The following COL23A1 variants were observed in gnomAD, a reference collection of about 807,000 sequenced individuals.
COL23A1 encodes collagen type XXIII alpha 1 chain.
A neutral mutation model predicts 99.3 loss-of-function variants in COL23A1; 97 were observed. The observed-to-expected ratio is 0.98, with a 90% CI of 0.83 to 1.16. COL23A1 has a LOEUF of 1.16. Among genes scored for constraint, COL23A1 ranks in the 50% most tolerant of loss-of-function variants. The pLI is 0.00. For synonymous variants in COL23A1, 320 were observed against 308.2 expected (o/e 1.04, Z -0.40); for missense variants, 762 against 757.4 (o/e 1.01, Z -0.07).
rs114345198 is a variant in COL23A1, at chr5:178,247,392, C to T, written c.1296+134G>A. 525 of 971,828 alleles carry T rather than the reference C, an allele frequency of 5.4e-4. 1 individual carries two copies. The African/African-American group carries it at 7.2e-3, about 13-fold the overall frequency. 60.2% of individuals were successfully genotyped at this position (971,828 alleles called of 1,614,324 possible). ...GAGGTTATGCCCTGGGGACTTGGGA[C>T]GTTCAGGCGCTGGGAAGACTCAGGG... On this transcript the variant is annotated intron_variant, in intron 22 of 28. Coordinates refer to ENST00000390654, the MANE Select transcript of COL23A1 (RefSeq NM_173465.4).
intron 2 of COL23A1, among the ~76,000 whole-genome samples, chr5:178,324,598 C>T (rs907968151): frequency 5.9e-5 from 9 of 152,192 alleles, no homozygotes; most frequent in Non-Finnish European, 1.3e-4. Context: ...CAGAAGCCAC[C>T]ACCTTCTCAC....
intron 1 of COL23A1, among the ~76,000 whole-genome samples, chr5:178,585,866 T>C (rs1032206658): frequency 2.6e-5 from 4 of 152,318 alleles, no homozygotes; most frequent in Middle Eastern, 3.4e-3. Flanking sequence ...AAGCCTCCTA[T>C]GGCGATCGCA....
chr5:178,288,238 C>T, intron 5 of COL23A1, 86 bp downstream of exon 5: 1 of 1,134,060 alleles, frequency 8.8e-7, no homozygotes, highest in South Asian at 1.2e-5. Flanking sequence ...GACAGGAGCG[C>T]AGACAGAGTT....
At position 178,384,348 on chromosome 5, in the gene COL23A1, C is replaced by T. The variant is rs961949617; in HGVS notation, c.362-77429G>A. Among the ~76,000 whole-genome samples, 3 of 152,252 alleles carry T rather than the reference C, an allele frequency of 2.0e-5. No homozygotes were observed. The highest frequency in any genetic ancestry group is 1.9e-4 in the East Asian group (1 of 5,192). On this transcript the variant is annotated intron_variant, in intron 2 of 28. Transcript: ENST00000390654. The surrounding 1 kb of genome is among the most constrained non-coding windows in gnomAD (Gnocchi z 5.5). ...GCGTTTTCTCATAAACCAGCTTTCA[C>T]GAGGTGTTGGCTGCTCAGTCTTGAC...
chr5:178,499,786 A>C (rs1432255784), intron 2 of COL23A1, among the ~76,000 whole-genome samples: 1 of 152,272 alleles, frequency 6.6e-6, no homozygotes, highest in African/African-American at 2.4e-5. Flanking sequence ...ATAGATAAAA[A>C]ACTGGCAACA....
intron 11 of COL23A1, 21 bp downstream of exon 11, chr5:178,261,701 T>C (rs1162310587): frequency 6.3e-7 from 1 of 1,596,736 alleles, no homozygotes; most frequent in East Asian, 2.2e-5. Context: ...GGGAGGGGCA[T>C]GGGGAATAAG....
intron 2 of COL23A1, among the ~76,000 whole-genome samples, chr5:178,475,577 T>C (rs1418202180): frequency 1.3e-5 from 2 of 152,246 alleles, no homozygotes; most frequent in Admixed American, 1.3e-4. Flanking sequence ...TACCCAATAG[T>C]GGCCTTGCCT....
intron 2 of COL23A1, among the ~76,000 whole-genome samples, chr5:178,376,741 C>G (rs1763090827): frequency 6.6e-6 from 1 of 152,204 alleles, no homozygotes; most frequent in Non-Finnish European, 1.5e-5. Context: ...TGCAAGCTTC[C>G]ACATGCAGCT....
intron 2 of COL23A1, among the ~76,000 whole-genome samples, chr5:178,311,552 G>A (rs1180965986): frequency 6.6e-6 from 1 of 151,782 alleles, no homozygotes; most frequent in African/African-American, 2.4e-5. Context: ...TTTAATGTAA[G>A]TGGGTTCTTT....
In COL23A1 at chr5:178,384,037, G is replaced by A. The variant is rs1338383100; in HGVS notation, c.362-77118C>T. ...ACGGGGGCCCAGGACTCCACCAGGC[G>A]GCCTGTGCAAGCCTGGGCTGCATCT... On this transcript the variant is annotated intron_variant, in intron 2 of 28. Transcript: ENST00000390654. The surrounding 1 kb of genome is among the most constrained non-coding windows in gnomAD (Gnocchi z 5.5). 2.0e-5 allele frequency among the ~76,000 whole-genome samples: 3 copies of A among 152,164 alleles called. No individual in the cohort carries two copies. Among genetic ancestry groups the A allele is most frequent in the African/African-American group, 7.2e-5 (3 of 41,426 alleles).
intron 2 of COL23A1, among the ~76,000 whole-genome samples, chr5:178,382,862 C>T (rs978018754): frequency 3.9e-5 from 6 of 152,168 alleles, no homozygotes; most frequent in East Asian, 1.9e-4. Context: ...AGCCGTGACT[C>T]GGGGAGGCCT....
intron 28 of COL23A1, 102 bp downstream of exon 28, chr5:178,239,039 C>T (rs1764252794): frequency 3.8e-6 from 5 of 1,331,986 alleles, no homozygotes; most frequent in East Asian, 2.3e-5. Context: ...GCCGCAGACA[C>T]CCAGAGGTTT....
At chr5:178,343,723 C>T (rs1156278883) in intron 2 of COL23A1, among the ~76,000 whole-genome samples, 3 of 150,532 alleles carry the variant, frequency 2.0e-5, no homozygotes, top group African/African-American at 4.9e-5. Context: ...AGCGCAGTGG[C>T]GTGATCTTGG....
intron 1 of COL23A1, among the ~76,000 whole-genome samples, chr5:178,568,616 C>T (rs1762945726): frequency 6.6e-6 from 1 of 152,204 alleles, no homozygotes; most frequent in Non-Finnish European, 1.5e-5. Flanking sequence ...CTCCTGCAAC[C>T]ACCAGTCTGC....
chr5:178,433,529 A>C (rs1766381753), intron 2 of COL23A1, among the ~76,000 whole-genome samples: 1 of 152,062 alleles, frequency 6.6e-6, no homozygotes, highest in Non-Finnish European at 1.5e-5. Flanking sequence ...ATTGGTGATT[A>C]AACTCAACCT....
intron 2 of COL23A1, among the ~76,000 whole-genome samples, chr5:178,371,536 G>A (rs1762801008): frequency 1.3e-5 from 2 of 152,170 alleles, no homozygotes; most frequent in Admixed American, 6.5e-5. Context: ...TATCAGCCCT[G>A]AACACTGGAC....
At chr5:178,404,968 C>T (rs1177161863) in intron 2 of COL23A1, among the ~76,000 whole-genome samples, 1 of 152,188 alleles carries the variant, frequency 6.6e-6, no homozygotes, top group Non-Finnish European at 1.5e-5. Context: ...ATCTACAAAC[C>T]CTGGTGTTTT....
chr5:178,480,131 A>G (rs1757253417), intron 2 of COL23A1, among the ~76,000 whole-genome samples: 1 of 151,774 alleles, frequency 6.6e-6, no homozygotes, highest in Non-Finnish European at 1.5e-5. Context: ...TCTGTGGTGC[A>G]TGATTGTACT....
At chr5:178,386,924 G>A (rs1236313621) in intron 2 of COL23A1, among the ~76,000 whole-genome samples, 1 of 152,140 alleles carries the variant, frequency 6.6e-6, no homozygotes, top group Non-Finnish European at 1.5e-5. Flanking sequence ...CCATTGCCCA[G>A]TATCATCAGA....
Sources: gnomAD v4.1 joint callset for allele counts (sites outside exome capture counted in the v4.1 genomes callset) on GRCh38, gnomAD v4.1.1 for gene constraint, Gnocchi (gnomAD v3.1) non-coding constraint, MANE v1.5 for transcripts, NCBI Gene and HGNC (gene_info 2026-07-23, HGNC 2026-07-21) for gene names.